ATR: variants seen among roughly 807,000 people sequenced by gnomAD.
ATR encodes the protein serine/threonine-protein kinase ATR.
Under a neutral mutation model 305.3 loss-of-function variants are expected in ATR, and 142 were observed. The ratio of observed to expected loss-of-function variants is 0.47; its 90% CI spans 0.41 to 0.53. The LOEUF (loss-of-function observed/expected upper bound fraction) is 0.53. Ranked by LOEUF, ATR falls within the 20% of genes least tolerant of loss-of-function variation. The pLI, the probability that ATR is intolerant of heterozygous loss-of-function variation, is 0.00. For synonymous variants in ATR, 1,050 were observed against 1,068.1 expected (o/e 0.98, Z 0.33); for missense variants, 2,135 against 3,133.1 (o/e 0.68, Z 7.60).
chr3:142,449,866 C>G (rs1378718127), intron 46 of ATR: 4 of 482,820 alleles, frequency 8.3e-6, no homozygotes, highest in African/African-American at 1.9e-5. Context: ...TTACACATTA[C>G]AATTCTAGAA....
chr3:142,460,761 A>G (rs1180636158), intron 42 of ATR, among the ~76,000 whole-genome samples: 1 of 152,146 alleles, frequency 6.6e-6, no homozygotes, highest in East Asian at 1.9e-4. Flanking sequence ...TTTTTAATGT[A>G]TTACACCATA....
chr3:142,565,733 TAAAAAAAAAAAA>T (rs55690216), intron 3 of ATR, among the ~76,000 whole-genome samples: 2 of 79,322 alleles, frequency 2.5e-5, no homozygotes, highest in East Asian at 3.8e-4. Flanking sequence ...CTGTCTTATT[TAAAAAAAAAAAA>T]AAAAAAAAAA....
Position 142,459,207 on chromosome 3 carries a change from T to C in ATR, c.7349+20A>G. On this transcript the variant is annotated intron_variant, in intron 43 of 46. Coordinates refer to ENST00000350721, the MANE Select transcript of ATR (RefSeq NM_001184.4). ...ATAAACATTCAACCATAACAACGTA[T>C]TATATTCTTGGTAACTTACCATGAT... 6.2e-7 allele frequency: 1 copy of C among 1,613,842 alleles called. No individual in the cohort carries two copies. Among genetic ancestry groups the C allele is most frequent in the Non-Finnish European group, 8.5e-7 (1 of 1,179,760 alleles).
chr3:142,482,943 TG>T (rs200433694), intron 36 of ATR, among the ~76,000 whole-genome samples: 1,656 of 151,584 alleles, frequency 0.011, 35 homozygotes, highest in African/African-American at 0.039. Context: ...TTTTCTCGTG[TG>T]ACACAGCCCT....
At chr3:142,526,964 T>G (rs1361586709) in intron 21 of ATR, among the ~76,000 whole-genome samples, 5 of 152,006 alleles carry the variant, frequency 3.3e-5, no homozygotes, top group African/African-American at 1.2e-4. Flanking sequence ...AATTTTTGTA[T>G]TTTTTGTAGA....
At chr3:142,567,135 A>C (rs1226925390) in intron 2 of ATR, among the ~76,000 whole-genome samples, 5 of 152,230 alleles carry the variant, frequency 3.3e-5, no homozygotes, top group African/African-American at 9.7e-5. Context: ...TTCAGGAATA[A>C]TATGCCAGGC....
chr3:142,499,822 G>C, intron 30 of ATR, 104 bp from the exon 31 acceptor site: 1 of 913,018 alleles, frequency 1.1e-6, no homozygotes, highest in African/African-American at 1.7e-5. Context: ...TATTGAATTT[G>C]CATTATATTG....
rs2108266577 is a variant in ATR at position 142,462,149 on chromosome 3, A to G, written c.7042-59T>C. On this transcript the variant is annotated intron_variant, in intron 41 of 46. Coordinates refer to ENST00000350721, the MANE Select transcript of ATR (RefSeq NM_001184.4). ...ATAGAACTCAAAATTTCTAAATGTTATATCAAATATATTTAAAGATTGTTC... is the reference window on the plus strand; with the variant it reads ...ATAGAACTCAAAATTTCTAAATGTTGTATCAAATATATTTAAAGATTGTTC... The G allele has an allele frequency of 2.7e-6, 4 of 1,456,812 alleles. No individual in the cohort carries two copies. In the South Asian group the frequency reaches 3.5e-5, roughly 13 times the overall value. The allele number at this position is 1,456,812 out of a possible 1,614,324, so 90.2% of individuals were successfully genotyped here.
chr3:142,456,468 A>C (rs2070909401), intron 45 of ATR, among the ~76,000 whole-genome samples: 1 of 152,146 alleles, frequency 6.6e-6, no homozygotes, highest in African/African-American at 2.4e-5. Flanking sequence ...GCTACTTAGG[A>C]AGCTGAGGCA....
At chr3:142,458,819 GA>G in intron 44 of ATR, 138 bp downstream of exon 44, 1 of 1,002,416 alleles carries the variant, frequency 1.0e-6, no homozygotes, top group Non-Finnish European at 1.5e-6. Flanking sequence ...ATCCACTGAT[GA>G]AAACTAGTCA....
chr3:142,457,099 T>A (rs749869958), intron 45 of ATR, among the ~76,000 whole-genome samples: 3 of 152,138 alleles, frequency 2.0e-5, no homozygotes, highest in Non-Finnish European at 2.9e-5. Flanking sequence ...TATATCCATA[T>A]AACAGGATAC....
chr3:142,454,395 T>C (rs2070857932), intron 45 of ATR, among the ~76,000 whole-genome samples: 1 of 151,786 alleles, frequency 6.6e-6, no homozygotes. Flanking sequence ...CTTTTGCATA[T>C]GTCCAACTAA....
intron 36 of ATR, among the ~76,000 whole-genome samples, chr3:142,473,319 A>T (rs2071342340): frequency 1.3e-5 from 2 of 152,156 alleles, no homozygotes; most frequent in Admixed American, 1.3e-4. Flanking sequence ...TTGCATGTGG[A>T]CATCCAGTTG....
chr3:142,476,872 C>G (rs921166010), intron 36 of ATR, among the ~76,000 whole-genome samples: 4 of 152,110 alleles, frequency 2.6e-5, no homozygotes, highest in Non-Finnish European at 5.9e-5. Context: ...AATAGGAGTT[C>G]ACTCATGATT....
intron 42 of ATR, among the ~76,000 whole-genome samples, chr3:142,460,498 G>A (rs1252999717): frequency 6.6e-6 from 1 of 152,042 alleles, no homozygotes; most frequent in East Asian, 1.9e-4. Context: ...TAAAGGCAAT[G>A]TGGTACAATA....
At chr3:142,524,572 C>A (rs957936190) in intron 21 of ATR, among the ~76,000 whole-genome samples, 1 of 151,916 alleles carries the variant, frequency 6.6e-6, no homozygotes, top group South Asian at 2.1e-4. Flanking sequence ...TATACTTGTA[C>A]GGCAAAGAAG....
Position 142,507,844 on chromosome 3 carries a change from T to C in ATR, c.5031+87A>G, listed in dbSNP as rs183284085. ...TCTATAAGCTTCTAAGCATAGCATA[T>C]AAAACATTCAATAAAATGAACAACA... On this transcript the variant is annotated intron_variant, in intron 28 of 46. Transcript: ENST00000350721. The C allele has an allele frequency of 1.3e-5, 16 of 1,263,498 alleles. No individual in the cohort carries two copies. The East Asian group carries it at 3.4e-4, about 27-fold the overall frequency. 78.3% of individuals were successfully genotyped at this position (1,263,498 alleles called of 1,614,324 possible).
intron 30 of ATR, among the ~76,000 whole-genome samples, chr3:142,501,508 C>T (rs1354433521): frequency 6.6e-6 from 1 of 152,200 alleles, no homozygotes; most frequent in East Asian, 1.9e-4. Flanking sequence ...GGAACCTATA[C>T]AAACAGTACT....
chr3:142,549,557 G>A lies in ATR; in HGVS notation c.3093C>T (p.Asn1031=), dbSNP rs1025606426. Residue 1031 remains asparagine (N), a synonymous_variant, in exon 15 of 47, where the codon AAC becomes AAT. Coordinates refer to ENST00000350721, the MANE Select transcript of ATR (RefSeq NM_001184.4). ...AATGAGAAAAAATATATTTGAAGTT[G>A]TTTATTAAAATCTCTCTACGATTGA... ...LNVNRREILI[N]NFKYIFSHLV... is the part of the protein sequence containing the mutation. 3.1e-6 allele frequency: 5 copies of A among 1,611,432 alleles called. No individual in the cohort carries two copies. The highest frequency in any genetic ancestry group is 1.6e-4 in the Middle Eastern group (1 of 6,078).
Sources: gnomAD v4.1 joint callset for allele counts (sites outside exome capture counted in the v4.1 genomes callset) on GRCh38, gnomAD v4.1.1 for gene constraint, MANE v1.5 for transcripts, NCBI Gene and HGNC (gene_info 2026-07-23, HGNC 2026-07-21) for gene names.